Variants in WDR11 observed in about 807,000 individuals in gnomAD.
WDR11 encodes the protein WD repeat domain 11, also known as WD repeat-containing protein 11.
Under a neutral mutation model 151.2 loss-of-function variants are expected in WDR11, and 83 were observed. The observed-to-expected ratio is 0.55, with a 90% CI of 0.46 to 0.66. WDR11 has a LOEUF of 0.66. WDR11 is among the 30% of genes least tolerant of loss of function. The pLI is 0.00. For synonymous variants in WDR11, 484 were observed against 533.1 expected (o/e 0.91, Z 1.27); for missense variants, 1,301 against 1,480.9 (o/e 0.88, Z 1.99).
intron 16 of WDR11, among the ~76,000 whole-genome samples, chr10:120,887,601 C>T (rs1847265109): frequency 6.6e-6 from 1 of 152,198 alleles, no homozygotes; most frequent in African/African-American, 2.4e-5. Context: ...GCTGTGGCTA[C>T]AGTCTTTTGA....
chr10:120,862,199 G>T (rs1477985220), intron 4 of WDR11, among the ~76,000 whole-genome samples: 1 of 151,058 alleles, frequency 6.6e-6, no homozygotes, highest in African/African-American at 2.4e-5. Context: ...GGAGTGCAGT[G>T]GCACTATCTC....
At position 120,899,947 on chromosome 10, in the gene WDR11, G is replaced by A. The variant is rs74548886; in HGVS notation, c.2516-82G>A. 3 of 1,144,682 alleles carry A rather than the reference G, an allele frequency of 2.6e-6. No individual in the cohort carries two copies. The East Asian group carries it at 7.1e-5, about 27-fold the overall frequency. The allele number at this position is 1,144,682 out of a possible 1,614,324, so 70.9% of individuals were successfully genotyped here. A position where few individuals can be genotyped will look rare whatever the true frequency, so the allele number is the denominator to read the frequency against. On this transcript the variant is annotated intron_variant, in intron 19 of 28. Transcript: ENST00000263461. ...ATTTACCTGTTGCTCTCTGCTGACTGCTCTGTAAATGGTTTATAGCTGAAG... is the reference window on the plus strand; with the variant it reads ...ATTTACCTGTTGCTCTCTGCTGACTACTCTGTAAATGGTTTATAGCTGAAG...
Position 120,906,856 on chromosome 10 carries a change from A to G in WDR11, c.3517+1A>G. 1.2e-6 allele frequency: 2 copies of G among 1,614,204 alleles called. No individual in the cohort carries two copies. Among genetic ancestry groups the G allele is most frequent in the Non-Finnish European group, 1.7e-6 (2 of 1,180,020 alleles). ...GCATTTGAAGTCACTGAGGACACAG[A>G]TATCCTTTGCAAGGTTGTTTGTAGT... On this transcript the variant is annotated splice_donor_variant, in intron 28 of 28. Transcript: ENST00000263461. LOFTEE classifies it high-confidence loss of function.
At chr10:120,854,189 A>G (rs1233642344) in intron 2 of WDR11, among the ~76,000 whole-genome samples, 4 of 151,994 alleles carry the variant, frequency 2.6e-5, no homozygotes, top group Non-Finnish European at 1.5e-5. Flanking sequence ...CATTTCCCCC[A>G]TTTCCCTCAT....
At chr10:120,904,860 G>T (rs1287917840) in intron 25 of WDR11, 49 bp downstream of exon 25, 4 of 1,606,152 alleles carry the variant, frequency 2.5e-6, no homozygotes, top group Non-Finnish European at 3.4e-6. Context: ...ATGAGACCTT[G>T]TTCCCAGCAA....
rs1490547622 is a variant in WDR11 at position 120,864,947 on chromosome 10, T to C, written c.714-100T>C. ...GTCACTTCAGGGAATAGTTGTACAT[T>C]TTTATTGTCAATTTTTATGTGTAAA... On this transcript the variant is annotated intron_variant, in intron 5 of 28. Transcript: ENST00000263461. 9 of 1,425,552 alleles carry C rather than the reference T, an allele frequency of 6.3e-6. 1 individual carries two copies. The highest frequency in any genetic ancestry group is 1.4e-5 in the African/African-American group (1 of 70,708). The allele number at this position is 1,425,552 out of a possible 1,614,324, so 88.3% of individuals were successfully genotyped here.
chr10:120,905,617 C>A, intron 26 of WDR11: 1 of 776,988 alleles, frequency 1.3e-6, no homozygotes, highest in Non-Finnish European at 2.1e-6. Context: ...GCATTGGTAG[C>A]AATTAAGTAA....
chr10:120,881,406 C>CA (rs1847002049), intron 13 of WDR11, among the ~76,000 whole-genome samples: 1 of 152,050 alleles, frequency 6.6e-6, no homozygotes, highest in East Asian at 1.9e-4. Flanking sequence ...ATTTTAGAAT[C>CA]AGACTATCAG....
At position 120,888,610 on chromosome 10, in the gene WDR11, C is replaced by T. The variant is rs796731119; in HGVS notation, c.2122-468C>T. Among the ~76,000 whole-genome samples the T allele has an allele frequency of 2.0e-5, 3 of 152,162 alleles. No individual in the cohort carries two copies. In the South Asian group the frequency reaches 6.2e-4, roughly 32 times the overall value. The stretch of plus-strand genomic sequence containing the variant: ...TCACCTTCATGATTCCACAATGTTC[C>T]AAAACGTGTCAGTGAAGCTCTGGAT... On this transcript the variant is annotated intron_variant, in intron 16 of 28. Coordinates refer to ENST00000263461, the MANE Select transcript of WDR11 (RefSeq NM_018117.12).
chr10:120,877,533 CT>C (rs1316527456), intron 11 of WDR11, among the ~76,000 whole-genome samples: 2 of 152,114 alleles, frequency 1.3e-5, no homozygotes, highest in Non-Finnish European at 2.9e-5. Context: ...GTGGGAGGAT[CT>C]CTTGAACCTG....
chr10:120,892,325 C>T (rs1159179297), intron 19 of WDR11, among the ~76,000 whole-genome samples: 3 of 152,118 alleles, frequency 2.0e-5, no homozygotes, highest in Non-Finnish European at 1.5e-5. Context: ...TTTTCAATCT[C>T]TAATGTTACA....
chr10:120,876,604 T>TTC (rs1465889212), intron 11 of WDR11, among the ~76,000 whole-genome samples: 6 of 152,050 alleles, frequency 3.9e-5, no homozygotes, highest in Non-Finnish European at 7.4e-5. Flanking sequence ...CTGCTGAATC[T>TTC]TCTCTCTCTC....
intron 19 of WDR11, among the ~76,000 whole-genome samples, chr10:120,892,777 T>G (rs1847470178): frequency 6.6e-6 from 1 of 152,154 alleles, no homozygotes; most frequent in South Asian, 2.1e-4. Context: ...ATTAGAAGAT[T>G]AGAATTCCTG....
intron 27 of WDR11, 65 bp downstream of exon 27, chr10:120,906,086 C>T (rs984347525): frequency 1.1e-5 from 17 of 1,611,820 alleles, no homozygotes; most frequent in Non-Finnish European, 1.4e-5. Context: ...TGTTCTCTCG[C>T]GGTTCTAGCA....
intron 21 of WDR11, 140 bp downstream of exon 21, chr10:120,901,238 T>G (rs1258809030): frequency 2.6e-6 from 2 of 770,568 alleles, no homozygotes; most frequent in African/African-American, 1.8e-5. Flanking sequence ...TGTTTAGAGG[T>G]TTGCTTCCCG....
In WDR11 at chr10:120,873,876, C is replaced by T; in HGVS notation, c.1509C>T (p.Thr503=). The change falls in exon 11 of 29, where the codon ACC becomes ACT. Residue 503 remains threonine (T), a synonymous_variant. Coordinates refer to ENST00000263461, the MANE Select transcript of WDR11 (RefSeq NM_018117.12). ...GTTCTGTCCTGGTGTACCATCTCAC[C>T]AGTGGTCTGCTACACAAAGAGTTAA... ...SNGSVLVYHL[T]SGLLHKELSI... 3.7e-6 allele frequency: 6 copies of T among 1,613,382 alleles called. No individual in the cohort carries two copies. The highest frequency in any genetic ancestry group is 5.1e-6 in the Non-Finnish European group (6 of 1,179,480).
Position 120,908,846 on chromosome 10 carries a change from C to CTA in WDR11, c.*135_*136dup. 1 of 813,860 alleles carries CTA rather than the reference C, an allele frequency of 1.2e-6. No homozygotes were observed. 50.4% of individuals were successfully genotyped at this position (813,860 alleles called of 1,614,324 possible). On this transcript the variant is annotated 3_prime_UTR_variant, in exon 29 of 29. Coordinates refer to ENST00000263461, the MANE Select transcript of WDR11 (RefSeq NM_018117.12). Reference sequence around the variant, plus strand: ...GAGCTGTTTGACCACTGTTCTAAGACTATGTGTGCCCAAAAGCACATAAGC... The same window carrying CTA: ...GAGCTGTTTGACCACTGTTCTAAGACTATATGTGTGCCCAAAAGCACATAAGC...
chr10:120,871,428 T>G, intron 10 of WDR11, 82 bp downstream of exon 10: 1 of 1,423,904 alleles, frequency 7.0e-7, no homozygotes, highest in Non-Finnish European at 9.8e-7. Flanking sequence ...GATCCTTTAT[T>G]CTTTTTGAGG....
chr10:120,878,918 A>G (rs1846900849), intron 12 of WDR11: 1 of 152,964 alleles, frequency 6.5e-6, no homozygotes, highest in Admixed American at 6.5e-5. Flanking sequence ...GAATAGAGAA[A>G]CTTAATTTGG....
Sources: gnomAD v4.1 joint callset for allele counts (sites outside exome capture counted in the v4.1 genomes callset) on GRCh38, gnomAD v4.1.1 for gene constraint, MANE v1.5 for transcripts, NCBI Gene and HGNC (gene_info 2026-07-23, HGNC 2026-07-21) for gene names.